The following MOB3B variants were observed in gnomAD, a reference collection of about 807,000 sequenced individuals.
The protein encoded by MOB3B is MOB kinase activator 3B.
A neutral mutation model predicts 18.7 loss-of-function variants in MOB3B; 7 were observed. The ratio of observed to expected loss-of-function variants is 0.37; its 90% confidence interval spans 0.21 to 0.70. The LOEUF (loss-of-function observed/expected upper bound fraction) is 0.70. MOB3B is among the 30% of genes least tolerant of loss of function. The pLI, the probability that MOB3B is intolerant of heterozygous loss-of-function variation, is 0.52. For missense variants in MOB3B, 253 were observed against 281.3 expected (o/e 0.90, Z 0.72); for synonymous variants, 111 against 99.9 (o/e 1.11, Z -0.66).
At chr9:27,333,630 G>C (rs1280639696) in intron 3 of MOB3B, among the ~76,000 whole-genome samples, 1 of 152,178 alleles carries the variant, frequency 6.6e-6, no homozygotes, top group Non-Finnish European at 1.5e-5. Context: ...AAAGTTCCTG[G>C]TGACTGTGCT....
At chr9:27,503,434 T>G (rs1225673335) in intron 1 of MOB3B, among the ~76,000 whole-genome samples, 1 of 152,190 alleles carries the variant, frequency 6.6e-6, no homozygotes, top group Non-Finnish European at 1.5e-5. Context: ...AAAATCAAAG[T>G]GGAGGCGGAT....
At chr9:27,361,416 T>C (rs889290427) in intron 2 of MOB3B, among the ~76,000 whole-genome samples, 2 of 152,076 alleles carry the variant, frequency 1.3e-5, no homozygotes, top group East Asian at 3.9e-4. Flanking sequence ...AGAAAGGGGA[T>C]GGGGACAGAA....
chr9:27,482,051 C>T (rs768294916), intron 1 of MOB3B, among the ~76,000 whole-genome samples: 7 of 151,558 alleles, frequency 4.6e-5, no homozygotes, highest in Admixed American at 1.3e-4. Flanking sequence ...ACGAAAAGCA[C>T]GGTAAATAAA....
intron 3 of MOB3B, among the ~76,000 whole-genome samples, chr9:27,342,538 C>T (rs1279299434): frequency 2.0e-5 from 3 of 152,032 alleles, no homozygotes; most frequent in Non-Finnish European, 2.9e-5. Context: ...ACTGTACTGC[C>T]GCCATCTTGG....
chr9:27,426,382 T>C (rs1822330959), intron 2 of MOB3B, among the ~76,000 whole-genome samples: 2 of 152,208 alleles, frequency 1.3e-5, no homozygotes, highest in East Asian at 3.8e-4. Flanking sequence ...GGTATAGTGT[T>C]GGGGTGCAGG....
Position 27,529,693 on chromosome 9 carries a change from C to T in MOB3B, c.-337G>A. On this transcript the variant is annotated 5_prime_UTR_variant, in exon 1 of 4. Coordinates refer to ENST00000262244, the MANE Select transcript of MOB3B (RefSeq NM_024761.5). The stretch of plus-strand genomic sequence containing the variant: ...CACGCAAGGGACTCTGCCGCCGGTG[C>T]GCGAGGTCCCGGCGAGCCAACCGGC... 1.0e-6 allele frequency: 1 copy of T among 985,392 alleles called. No homozygotes were observed. Among genetic ancestry groups the T allele is most frequent in the Non-Finnish European group, 1.2e-6 (1 of 829,926 alleles). The allele number at this position is 985,392 out of a possible 1,614,324, so 61.0% of individuals were successfully genotyped here. A position where few individuals can be genotyped will look rare whatever the true frequency, so the allele number is the denominator to read the frequency against.
intron 2 of MOB3B, among the ~76,000 whole-genome samples, chr9:27,435,268 T>A (rs1442051171): frequency 6.6e-6 from 1 of 152,174 alleles, no homozygotes; most frequent in Non-Finnish European, 1.5e-5. Context: ...GTTTAAACTA[T>A]TTTTCTTTGA....
intron 2 of MOB3B, among the ~76,000 whole-genome samples, chr9:27,363,108 G>T (rs560303541): frequency 6.6e-6 from 1 of 152,158 alleles, no homozygotes; most frequent in Non-Finnish European, 1.5e-5. Context: ...ATTTGAGGTG[G>T]TTTTCTTTCT....
chr9:27,390,062 T>A (rs1359071930), intron 2 of MOB3B, among the ~76,000 whole-genome samples: 1 of 152,132 alleles, frequency 6.6e-6, no homozygotes, highest in Non-Finnish European at 1.5e-5. Context: ...TGCATATATA[T>A]ATATAAAATA....
intron 1 of MOB3B, among the ~76,000 whole-genome samples, chr9:27,496,702 A>G (rs1288042560): frequency 3.3e-5 from 5 of 152,234 alleles, no homozygotes; most frequent in Non-Finnish European, 5.9e-5. Context: ...GCAGTCCAAC[A>G]TATTAGTCTT....
chr9:27,461,947 CA>C (rs1819295115), intron 1 of MOB3B, among the ~76,000 whole-genome samples: 1 of 152,156 alleles, frequency 6.6e-6, no homozygotes, highest in Non-Finnish European at 1.5e-5. Context: ...TACCTACTGA[CA>C]GTCCATGGAA....
chr9:27,377,155 T>C (rs977517019), intron 2 of MOB3B, among the ~76,000 whole-genome samples: 1 of 152,148 alleles, frequency 6.6e-6, no homozygotes. Context: ...TTGATAAAAT[T>C]TGCTATTTTC....
At chr9:27,423,355 A>G (rs1054167752) in intron 2 of MOB3B, among the ~76,000 whole-genome samples, 1 of 151,218 alleles carries the variant, frequency 6.6e-6, no homozygotes, top group Non-Finnish European at 1.5e-5. Context: ...TTCTGTGAAT[A>G]TCTTTGGCCC....
chr9:27,388,634 C>T (rs945878195), intron 2 of MOB3B, among the ~76,000 whole-genome samples: 6 of 152,056 alleles, frequency 3.9e-5, no homozygotes, highest in African/African-American at 1.4e-4. Context: ...CCCCCAAGTC[C>T]CCAAAGTCCA....
At chr9:27,438,194 C>T (rs1028766615) in intron 2 of MOB3B, among the ~76,000 whole-genome samples, 5 of 152,224 alleles carry the variant, frequency 3.3e-5, no homozygotes, top group African/African-American at 4.8e-5. Context: ...TATACTACTG[C>T]TTCAGCATGG....
chr9:27,429,954 G>A (rs1822393805), intron 2 of MOB3B, among the ~76,000 whole-genome samples: 1 of 152,204 alleles, frequency 6.6e-6, no homozygotes, highest in Admixed American at 6.5e-5. Flanking sequence ...AGACAGATCA[G>A]TGCCTGCAGC....
At chr9:27,502,268 T>C (rs1225582206) in intron 1 of MOB3B, among the ~76,000 whole-genome samples, 1 of 152,242 alleles carries the variant, frequency 6.6e-6, no homozygotes, top group African/African-American at 2.4e-5. Flanking sequence ...CCTGGAGTCA[T>C]TGATCTAGGT....
At chr9:27,495,195 G>C (rs1819877730) in intron 1 of MOB3B, among the ~76,000 whole-genome samples, 1 of 152,016 alleles carries the variant, frequency 6.6e-6, no homozygotes, top group African/African-American at 2.4e-5. Context: ...GCTGGGCACA[G>C]TGGCATACAC....
At chr9:27,486,663 C>G (rs1819733137) in intron 1 of MOB3B, among the ~76,000 whole-genome samples, 1 of 152,146 alleles carries the variant, frequency 6.6e-6, no homozygotes, top group African/African-American at 2.4e-5. Context: ...TTAGCTCTGG[C>G]CTTCTAGAGA....
Sources: gnomAD v4.1 joint callset for allele counts (sites outside exome capture counted in the v4.1 genomes callset) on GRCh38, gnomAD v4.1.1 for gene constraint, MANE v1.5 for transcripts, NCBI Gene and HGNC (gene_info 2026-07-23, HGNC 2026-07-21) for gene names.